The following USP46 variants were observed in gnomAD, a reference collection of about 807,000 sequenced individuals.
USP46 encodes the protein ubiquitin carboxyl-terminal hydrolase 46.
Under a neutral mutation model 44.4 loss-of-function variants are expected in USP46, and 12 were observed. The observed-to-expected ratio is 0.27, with a 90% CI of 0.17 to 0.44. The LOEUF (loss-of-function observed/expected upper bound fraction) is 0.44, where lower values mean the gene tolerates loss of function less well. USP46 is among the 20% of genes least tolerant of loss of function. The pLI, the probability that USP46 is intolerant of heterozygous loss-of-function variation, is 1.00. For synonymous variants in USP46, 155 were observed against 161.5 expected (o/e 0.96, Z 0.31); for missense variants, 248 against 444.8 (o/e 0.56, Z 3.98).
intron 1 of USP46, among the ~76,000 whole-genome samples, chr4:52,647,025 T>A (rs112504754): frequency 6.6e-6 from 1 of 152,174 alleles, no homozygotes; most frequent in Non-Finnish European, 1.5e-5. Context: ...GACAAAGTTG[T>A]TCCTTACAGC....
chr4:52,651,336 A>G (rs948563712), intron 1 of USP46, among the ~76,000 whole-genome samples: 1 of 152,134 alleles, frequency 6.6e-6, no homozygotes, highest in Non-Finnish European at 1.5e-5. Context: ...TTTAAAAGGC[A>G]GATTCCAGAG....
rs12505278 is a variant in USP46, at chr4:52,626,624, A to G, written c.332-377T>C. ...AGACGTGAGCCACCGCGCCTGGCCC[A>G]TACTTCAACTTTTATATTGAAAGGA... On this transcript the variant is annotated intron_variant, in intron 3 of 8. Coordinates refer to ENST00000441222, the MANE Select transcript of USP46 (RefSeq NM_022832.4). Among the ~76,000 whole-genome samples, 173 of 152,258 alleles carry G rather than the reference A, an allele frequency of 1.1e-3. 1 individual carries two copies. Among genetic ancestry groups the G allele is most frequent in the Admixed American group, 4.0e-3 (61 of 15,280 alleles).
intron 4 of USP46, among the ~76,000 whole-genome samples, chr4:52,624,926 C>A (rs990044713): frequency 2.0e-5 from 3 of 152,142 alleles, no homozygotes; most frequent in Non-Finnish European, 4.4e-5. Context: ...CTTTCAGCCT[C>A]CAGAACTGTG....
At chr4:52,639,860 GTTTTT>G (rs34078992) in intron 1 of USP46, among the ~76,000 whole-genome samples, 1 of 116,618 alleles carries the variant, frequency 8.6e-6, no homozygotes, top group African/African-American at 3.3e-5. Context: ...CCATGCCTGG[GTTTTT>G]TTTTTTTTTT....
intron 4 of USP46, among the ~76,000 whole-genome samples, chr4:52,621,599 T>C (rs1213090828): frequency 6.6e-6 from 1 of 151,962 alleles, no homozygotes; most frequent in African/African-American, 2.4e-5. Flanking sequence ...GAGGTTGCAG[T>C]GAGCCAAGAT....
chr4:52,624,610 G>A (rs193204830), intron 4 of USP46, among the ~76,000 whole-genome samples: 20 of 152,286 alleles, frequency 1.3e-4, no homozygotes, highest in African/African-American at 4.6e-4. Flanking sequence ...TGATGTGTAA[G>A]TCTACATTTC....
Position 52,593,011 on chromosome 4 carries a change from C to A in USP46, c.*4629G>T. 2.5e-6 allele frequency: 1 copy of A among 398,460 alleles called. No individual in the cohort carries two copies. The highest frequency in any genetic ancestry group is 1.3e-4 in the South Asian group (1 of 7,812). The allele number at this position is 398,460 out of a possible 1,614,324, so 24.7% of individuals were successfully genotyped here. On this transcript the variant is annotated 3_prime_UTR_variant, in exon 9 of 9. Coordinates refer to ENST00000441222, the MANE Select transcript of USP46 (RefSeq NM_022832.4). Reference sequence around the variant, plus strand: ...CCATAAAACCATGAGCCAATTAAACCTCTTTTCTTCAGAAATGACCCACGC... The same window carrying A: ...CCATAAAACCATGAGCCAATTAAACATCTTTTCTTCAGAAATGACCCACGC...
intron 1 of USP46, among the ~76,000 whole-genome samples, chr4:52,633,010 G>GAAAGAAAGA (rs1717974078): frequency 8.6e-6 from 1 of 115,888 alleles, no homozygotes; most frequent in Non-Finnish European, 1.8e-5. Flanking sequence ...AAGAAAGAAA[G>GAAAGAAAGA]AAAGAAAGAA....
chr4:52,627,708 A>G (rs539200006), intron 3 of USP46, among the ~76,000 whole-genome samples: 1 of 152,352 alleles, frequency 6.6e-6, no homozygotes, highest in East Asian at 1.9e-4. Context: ...AATGGAGCAA[A>G]TAAAATGGTC....
At chr4:52,656,606 T>C (rs1718962607) in intron 1 of USP46, 2 of 1,264,322 alleles carry the variant, frequency 1.6e-6, no homozygotes, top group Non-Finnish European at 2.0e-6. Flanking sequence ...AAAGATGATG[T>C]TGACAATGAC....
At chr4:52,625,271 G>C (rs958347264) in intron 4 of USP46, among the ~76,000 whole-genome samples, 3 of 151,910 alleles carry the variant, frequency 2.0e-5, no homozygotes, top group Admixed American at 6.6e-5. Flanking sequence ...CTATTTTATA[G>C]ATGAAGAAAG....
chr4:52,651,604 T>C (rs765501253), intron 1 of USP46, among the ~76,000 whole-genome samples: 21 of 152,186 alleles, frequency 1.4e-4, no homozygotes, highest in Non-Finnish European at 2.6e-4. Context: ...TTTCCTGCAC[T>C]GTGTACCTAA....
At chr4:52,640,589 T>C (rs1718298467) in intron 1 of USP46, among the ~76,000 whole-genome samples, 1 of 151,766 alleles carries the variant, frequency 6.6e-6, no homozygotes. Flanking sequence ...TCACTTGAGG[T>C]TGGGAGTTCG....
intron 1 of USP46, among the ~76,000 whole-genome samples, chr4:52,632,167 G>A (rs1717854455): frequency 6.6e-6 from 1 of 152,206 alleles, no homozygotes; most frequent in African/African-American, 2.4e-5. Context: ...TCCATTGTAA[G>A]TGGTAGAGCT....
intron 3 of USP46, among the ~76,000 whole-genome samples, chr4:52,626,825 A>T (rs1448250714): frequency 6.6e-6 from 1 of 152,208 alleles, no homozygotes; most frequent in African/African-American, 2.4e-5. Context: ...TATTTGTTCT[A>T]CAAAGGAACA....
At chr4:52,650,335 A>G (rs977682738) in intron 1 of USP46, among the ~76,000 whole-genome samples, 1 of 152,260 alleles carries the variant, frequency 6.6e-6, no homozygotes, top group Non-Finnish European at 1.5e-5. Flanking sequence ...GTAAAGAAAG[A>G]CAGTTGCAAA....
chr4:52,600,968 G>A (rs1187370818), intron 7 of USP46, among the ~76,000 whole-genome samples: 1 of 152,230 alleles, frequency 6.6e-6, no homozygotes, highest in East Asian at 1.9e-4. Context: ...AATATGGGGT[G>A]CTTCAGATGT....
chr4:52,640,924 A>T (rs896413752), intron 1 of USP46, among the ~76,000 whole-genome samples: 22 of 144,994 alleles, frequency 1.5e-4, no homozygotes, highest in African/African-American at 5.5e-4. Flanking sequence ...GTATTTGGCC[A>T]TTTTTTTTTT....
rs1441859385 is a variant in USP46 at position 52,595,755 on chromosome 4, C to T, written c.*1885G>A. 6.6e-6 allele frequency: 1 copy of T among 152,038 alleles called. No homozygotes were observed. Among genetic ancestry groups the T allele is most frequent in the Admixed American group, 6.6e-5 (1 of 15,260 alleles). 9.4% of individuals were successfully genotyped at this position (152,038 alleles called of 1,614,324 possible). A position where few individuals can be genotyped will look rare whatever the true frequency, so the allele number is the denominator to read the frequency against. On this transcript the variant is annotated 3_prime_UTR_variant, in exon 9 of 9. Transcript: ENST00000441222. Reference sequence around the variant, plus strand: ...AGTTCCAAATATATTAGAGACCAACCATCATGTTCTTAAAACTTTGTAACT... The same window carrying T: ...AGTTCCAAATATATTAGAGACCAACTATCATGTTCTTAAAACTTTGTAACT...
Sources: gnomAD v4.1 joint callset for allele counts (sites outside exome capture counted in the v4.1 genomes callset) on GRCh38, gnomAD v4.1.1 for gene constraint, MANE v1.5 for transcripts, NCBI Gene and HGNC (gene_info 2026-07-23, HGNC 2026-07-21) for gene names.